The following ARHGAP44 variants were observed in gnomAD, a reference collection of about 807,000 sequenced individuals.
ARHGAP44 encodes the protein rho GTPase-activating protein 44.
Under a neutral mutation model 106.8 loss-of-function variants are expected in ARHGAP44, and 43 were observed. That is an observed-to-expected ratio of 0.40 (90% CI 0.32 to 0.52). The LOEUF (loss-of-function observed/expected upper bound fraction) is 0.52, where lower values mean the gene tolerates loss of function less well. Among genes scored for constraint, ARHGAP44 ranks in the 20% least tolerant of loss-of-function variants. The pLI, the probability that ARHGAP44 is intolerant of heterozygous loss-of-function variation, is 0.48. For missense variants in ARHGAP44, 866 were observed against 1,050.5 expected (o/e 0.82, Z 2.43); for synonymous variants, 439 against 410.3 (o/e 1.07, Z -0.85).
Position 12,818,517 on chromosome 17 carries a change from A to T in ARHGAP44, c.53+28626A>T, listed in dbSNP as rs531203370. Among the ~76,000 whole-genome samples the T allele has an allele frequency of 1.7e-3, 259 of 152,128 alleles. 2 individuals carry two copies. Among genetic ancestry groups the T allele is most frequent in the African/African-American group, 6.0e-3 (250 of 41,554 alleles). On this transcript the variant is annotated intron_variant, in intron 1 of 20. Transcript: ENST00000379672. ...AGAAAAATAAATAAAAGACATACAT[A>T]TTGAAAAAGAATAAATAAAACTGCC...
intron 19 of ARHGAP44, among the ~76,000 whole-genome samples, chr17:12,983,826 A>C (rs2143439935): frequency 6.6e-6 from 1 of 152,300 alleles, no homozygotes; most frequent in African/African-American, 2.4e-5. Context: ...AAAACAACAA[A>C]AAAACCCCAG....
At chr17:12,931,779 A>C (rs2038407825) in intron 7 of ARHGAP44, among the ~76,000 whole-genome samples, 1 of 151,516 alleles carries the variant, frequency 6.6e-6, no homozygotes, top group Admixed American at 6.6e-5. Context: ...GATTACAGGC[A>C]TGAGCCACCG....
At chr17:12,931,865 C>CACACACACAA (rs1014494368) in intron 7 of ARHGAP44, among the ~76,000 whole-genome samples, 1 of 151,626 alleles carries the variant, frequency 6.6e-6, no homozygotes, top group African/African-American at 2.4e-5. Context: ...CACACACACA[C>CACACACACAA]ACACACACAC....
intron 7 of ARHGAP44, among the ~76,000 whole-genome samples, chr17:12,932,326 T>A (rs1270842899): frequency 6.6e-6 from 1 of 152,250 alleles, no homozygotes; most frequent in Non-Finnish European, 1.5e-5. Flanking sequence ...ATACACATTC[T>A]TAATTTGGTG....
At chr17:12,839,447 T>C (rs1388755194) in intron 1 of ARHGAP44, among the ~76,000 whole-genome samples, 1 of 152,222 alleles carries the variant, frequency 6.6e-6, no homozygotes, top group Non-Finnish European at 1.5e-5. Context: ...TCTTCTTGAA[T>C]TACTACAAAC....
chr17:12,964,755 C>T (rs936115467), intron 16 of ARHGAP44, among the ~76,000 whole-genome samples: 4 of 152,054 alleles, frequency 2.6e-5, no homozygotes, highest in African/African-American at 9.7e-5. Context: ...CCACTGCAGT[C>T]CAGCCTGGGC....
At chr17:12,807,241 C>T (rs2034301268) in intron 1 of ARHGAP44, among the ~76,000 whole-genome samples, 1 of 152,082 alleles carries the variant, frequency 6.6e-6, no homozygotes, top group South Asian at 2.1e-4. Context: ...AGGAATAGTT[C>T]CTGGGACAGA....
At chr17:12,821,054 A>T (rs1281417045) in intron 1 of ARHGAP44, among the ~76,000 whole-genome samples, 1 of 152,184 alleles carries the variant, frequency 6.6e-6, no homozygotes, top group African/African-American at 2.4e-5. Flanking sequence ...ATATGGGAAG[A>T]TATTTGGCAC....
chr17:12,811,834 G>T (rs555584942), intron 1 of ARHGAP44, among the ~76,000 whole-genome samples: 1 of 152,286 alleles, frequency 6.6e-6, no homozygotes, highest in South Asian at 2.1e-4. Flanking sequence ...CATCATGCGT[G>T]TTCTCCCTCT....
intron 10 of ARHGAP44, among the ~76,000 whole-genome samples, chr17:12,946,555 T>C (rs1038950623): frequency 1.3e-5 from 2 of 151,626 alleles, no homozygotes; most frequent in Non-Finnish European, 2.9e-5. Flanking sequence ...TCCCAACACT[T>C]TGGGAGGCTG....
At chr17:12,811,803 T>G (rs1234164001) in intron 1 of ARHGAP44, among the ~76,000 whole-genome samples, 1 of 152,194 alleles carries the variant, frequency 6.6e-6, no homozygotes, top group South Asian at 2.1e-4. Flanking sequence ...ATAGGCACAT[T>G]CCTCCAGTAT....
intron 16 of ARHGAP44, 184 bp from the exon 17 acceptor site, chr17:12,973,118 T>C (rs912738533): frequency 1.6e-6 from 1 of 623,910 alleles, no homozygotes; most frequent in African/African-American, 1.8e-5. Flanking sequence ...TGACTTACAC[T>C]TACACAAATA....
At chr17:12,806,688 G>C (rs902599152) in intron 1 of ARHGAP44, among the ~76,000 whole-genome samples, 1 of 152,208 alleles carries the variant, frequency 6.6e-6, no homozygotes, top group East Asian at 1.9e-4. Flanking sequence ...CTTGCTAGTT[G>C]TAAAACCATG....
intron 16 of ARHGAP44, among the ~76,000 whole-genome samples, chr17:12,967,774 A>G (rs549723404): frequency 3.9e-5 from 6 of 152,188 alleles, no homozygotes; most frequent in African/African-American, 1.4e-4. Flanking sequence ...TGTATGGTCT[A>G]CCAGGTTGCA....
intron 1 of ARHGAP44, among the ~76,000 whole-genome samples, chr17:12,820,973 A>G (rs1472597737): frequency 1.3e-5 from 2 of 152,196 alleles, no homozygotes; most frequent in East Asian, 3.9e-4. Flanking sequence ...GAAGTTATAA[A>G]GGTTTTAACT....
In ARHGAP44 at chr17:12,908,944, A is replaced by C; in HGVS notation, c.246A>C (p.Ser82=). 2 of 1,599,876 alleles carry C rather than the reference A, an allele frequency of 1.3e-6. No homozygotes were observed. The highest frequency in any genetic ancestry group is 1.7e-6 in the Non-Finnish European group (2 of 1,176,058). The change falls in exon 4 of 21, where the codon TCA becomes TCC. Residue 82 remains serine (S), a synonymous_variant. Coordinates refer to ENST00000379672, the MANE Select transcript of ARHGAP44 (RefSeq NM_014859.6). ...TTLAQCLMEG[S]AILGDDTLLG... ...TGGCTCAGTGTCTGATGGAGGGGTC[A>C]GCTATCCTGGGAGATGACACACTTC...
intron 3 of ARHGAP44, among the ~76,000 whole-genome samples, chr17:12,897,612 T>C (rs1401943422): frequency 6.6e-6 from 1 of 151,858 alleles, no homozygotes; most frequent in Non-Finnish European, 1.5e-5. Flanking sequence ...AAAATGACTT[T>C]GGGCATGAAA....
intron 1 of ARHGAP44, among the ~76,000 whole-genome samples, chr17:12,889,742 A>C (rs1406968671): frequency 6.6e-6 from 1 of 152,200 alleles, no homozygotes; most frequent in African/African-American, 2.4e-5. Context: ...ATGAGATTCA[A>C]GGTACAATTC....
At chr17:12,792,536 A>G (rs2033797522) in intron 1 of ARHGAP44, among the ~76,000 whole-genome samples, 2 of 152,174 alleles carry the variant, frequency 1.3e-5, no homozygotes, top group South Asian at 2.1e-4. Context: ...TCATGATCCT[A>G]TGAGTATTGG....
Sources: allele counts gnomAD v4.1 joint callset (sites outside exome capture counted in the v4.1 genomes callset), GRCh38; gene constraint gnomAD v4.1.1; transcripts MANE v1.5; gene names NCBI Gene and HGNC (gene_info 2026-07-23, HGNC 2026-07-21).